PCDHA12: variants seen among roughly 807,000 people sequenced by gnomAD.
The protein encoded by PCDHA12 is protocadherin alpha-12.
Under a neutral mutation model 60.0 loss-of-function variants are expected in PCDHA12, and 44 were observed. The observed-to-expected ratio is 0.73, with a 90% CI of 0.58 to 0.94. The LOEUF (loss-of-function observed/expected upper bound fraction) is 0.94. Ranked by LOEUF, PCDHA12 falls within the 40% of genes least tolerant of loss-of-function variation. The probability of loss-of-function intolerance (pLI) is 0.00; values close to 1 mark genes in which losing one functional copy is unlikely to be tolerated. For synonymous variants in PCDHA12, 569 were observed against 553.0 expected, an observed-to-expected ratio of 1.03 and a Z score of -0.40; for missense variants, 1,276 against 1,239.7, an observed-to-expected ratio of 1.03 and a Z score of -0.44.
At chr5:140,982,127 C>G (rs1367393953) in intron 2 of PCDHA12, among the ~76,000 whole-genome samples, 1 of 152,244 alleles carries the variant, frequency 6.6e-6, no homozygotes, top group Non-Finnish European at 1.5e-5. Flanking sequence ...CTTTTGAGAA[C>G]AAGCCCTCCT....
intron 1 of PCDHA12, among the ~76,000 whole-genome samples, chr5:140,896,089 G>A (rs13174119): frequency 0.32 from 48,051 of 152,038 alleles, 7,939 homozygotes; most frequent in East Asian, 0.53. Flanking sequence ...GGGATTACAG[G>A]CGTGAGCCAC....
intron 1 of PCDHA12, among the ~76,000 whole-genome samples, chr5:140,950,804 A>G (rs1360919239): frequency 6.6e-6 from 1 of 152,090 alleles, no homozygotes; most frequent in African/African-American, 2.4e-5. Context: ...GTCTGGTTTT[A>G]CCATAGTAGG....
intron 1 of PCDHA12, among the ~76,000 whole-genome samples, chr5:140,915,901 G>A (rs1339531688): frequency 1.3e-5 from 2 of 152,250 alleles, no homozygotes; most frequent in East Asian, 1.9e-4. Flanking sequence ...CCTGGCCCTG[G>A]GCAGGCCCAG....
At chr5:140,966,767 A>T in intron 1 of PCDHA12, 1 of 1,484,362 alleles carries the variant, frequency 6.7e-7, no homozygotes, top group South Asian at 1.3e-5. Context: ...GCCAGTGGCT[A>T]TGGAGCAGGC....
intron 1 of PCDHA12, among the ~76,000 whole-genome samples, chr5:140,904,259 C>T (rs2070990539): frequency 6.6e-6 from 1 of 152,066 alleles, no homozygotes. Context: ...GCTTAGCTCC[C>T]ACTTATGAAT....
At chr5:140,882,811 C>T in intron 1 of PCDHA12, 2 of 1,614,192 alleles carry the variant, frequency 1.2e-6, no homozygotes, top group Non-Finnish European at 8.5e-7. Flanking sequence ...TCACTTTGGA[C>T]GCACAAAACA....
chr5:141,001,269 C>A (rs536985121), intron 3 of PCDHA12, among the ~76,000 whole-genome samples: 2 of 152,152 alleles, frequency 1.3e-5, no homozygotes, highest in East Asian at 3.9e-4. Context: ...CTCTTATGAA[C>A]TTTTTTTACG....
chr5:140,987,213 C>CA (rs58319157), intron 3 of PCDHA12, among the ~76,000 whole-genome samples: 3,048 of 118,770 alleles, frequency 0.026, 41 homozygotes, highest in Middle Eastern at 0.12. Flanking sequence ...GACTCCATCT[C>CA]AAAAAAAAAA....
intron 3 of PCDHA12, among the ~76,000 whole-genome samples, chr5:140,997,668 T>G (rs2097778117): frequency 6.7e-6 from 1 of 148,344 alleles, no homozygotes; most frequent in African/African-American, 2.5e-5. Flanking sequence ...ATTATACAGC[T>G]TGTGTGTGTG....
chr5:140,882,813 C>T lies in PCDHA12; in HGVS notation c.2367+4974C>T, dbSNP rs782169035. On this transcript the variant is annotated intron_variant, in intron 1 of 3. Transcript: ENST00000398631. ...CCCAACGATTATTTCACTTTGGACG[C>T]ACAAAACAGTCTTGAGCAAATGTCT... 4 of 1,614,176 alleles carry T rather than the reference C, an allele frequency of 2.5e-6. No individual in the cohort carries two copies. The East Asian group carries it at 6.7e-5, about 27-fold the overall frequency.
chr5:140,947,570 TG>T (rs2094146227), intron 1 of PCDHA12, among the ~76,000 whole-genome samples: 1 of 151,820 alleles, frequency 6.6e-6, no homozygotes, highest in African/African-American at 2.4e-5. Flanking sequence ...ATATTGGGAA[TG>T]TTTTTAACAT....
At chr5:140,883,121 G>C in intron 1 of PCDHA12, 12 of 1,614,070 alleles carry the variant, frequency 7.4e-6, no homozygotes, top group Non-Finnish European at 1.0e-5. Context: ...TAGAAGGCCT[G>C]TATGGCCTGC....
chr5:140,939,090 A>C (rs1563171940), intron 1 of PCDHA12, among the ~76,000 whole-genome samples: 1 of 152,192 alleles, frequency 6.6e-6, no homozygotes, highest in Non-Finnish European at 1.5e-5. Flanking sequence ...GGGTGGCTTA[A>C]AAACAATAGA....
At chr5:140,884,317 G>C (rs1401667312) in intron 1 of PCDHA12, 15 of 1,613,780 alleles carry the variant, frequency 9.3e-6, no homozygotes, top group Non-Finnish European at 1.3e-5. Context: ...CGAGGGCGTC[G>C]GCAGGCGCTG....
chr5:140,898,358 A>T (rs2153460143), intron 1 of PCDHA12, among the ~76,000 whole-genome samples: 1 of 152,260 alleles, frequency 6.6e-6, no homozygotes, highest in Non-Finnish European at 1.5e-5. Flanking sequence ...TCTTGAATTA[A>T]TTTTTGTATA....
At position 140,927,719 on chromosome 5, in the gene PCDHA12, C is replaced by A. The variant is rs144571902; in HGVS notation, c.2367+49880C>A. Reference sequence around the variant, plus strand: ...GTCCAGTACTCCCTAAGCAACAGCACGCAAGCAGAGCTGCGACACCGCTTT... The same window carrying A: ...GTCCAGTACTCCCTAAGCAACAGCAAGCAAGCAGAGCTGCGACACCGCTTT... On this transcript the variant is annotated intron_variant, in intron 1 of 3. Transcript: ENST00000398631. The A allele has an allele frequency of 2.2e-4, 352 of 1,614,178 alleles. No individual in the cohort carries two copies. In the Middle Eastern group the frequency reaches 2.3e-3, roughly 11 times the overall value.
intron 1 of PCDHA12, among the ~76,000 whole-genome samples, chr5:140,962,957 C>T (rs915413264): frequency 1.3e-5 from 2 of 152,014 alleles, no homozygotes; most frequent in Non-Finnish European, 2.9e-5. Flanking sequence ...ATGCTCTATC[C>T]CTATATAGGA....
intron 1 of PCDHA12, among the ~76,000 whole-genome samples, chr5:140,962,378 G>A (rs184607177): frequency 2.1e-3 from 316 of 152,286 alleles, no homozygotes; most frequent in African/African-American, 7.3e-3. Context: ...GATTTTATCT[G>A]TTAATATTAC....
intron 1 of PCDHA12, among the ~76,000 whole-genome samples, chr5:140,933,667 C>A (rs2089323484): frequency 6.6e-6 from 1 of 151,936 alleles, no homozygotes. Flanking sequence ...CTCTCTCTGT[C>A]TCTCTCACAT....
Sources: gnomAD v4.1 joint callset for allele counts (sites outside exome capture counted in the v4.1 genomes callset) on GRCh38, gnomAD v4.1.1 for gene constraint, MANE v1.5 for transcripts, NCBI Gene and HGNC (gene_info 2026-07-23, HGNC 2026-07-21) for gene names.